Variants in NRG2 observed in about 807,000 individuals in gnomAD.
NRG2 encodes the protein neuregulin 2.
NRG2 carries 27 observed loss-of-function variants against 73.9 expected under a neutral mutation model. The ratio of observed to expected loss-of-function variants is 0.37; its 90% CI spans 0.27 to 0.50. The LOEUF (loss-of-function observed/expected upper bound fraction) is 0.50. Ranked by LOEUF, NRG2 falls within the 20% of genes least tolerant of loss-of-function variation. The pLI is 0.96. For missense variants in NRG2, 1,126 were observed against 1,210.1 expected, an observed-to-expected ratio of 0.93 and a Z score of 1.03; for synonymous variants, 532 against 541.0, an observed-to-expected ratio of 0.98 and a Z score of 0.23.
At chr5:139,990,270 G>A (rs1003814063) in intron 1 of NRG2, among the ~76,000 whole-genome samples, 2 of 142,536 alleles carry the variant, frequency 1.4e-5, no homozygotes, top group Admixed American at 1.4e-4. Flanking sequence ...ATTCCCACTA[G>A]CAATATTTTA....
At chr5:139,918,717 G>A (rs776813533) in intron 1 of NRG2, among the ~76,000 whole-genome samples, 5 of 152,204 alleles carry the variant, frequency 3.3e-5, no homozygotes, top group Admixed American at 6.5e-5. Flanking sequence ...GCAGACATCC[G>A]GAAATGTAGG....
At chr5:139,925,683 C>T (rs554571333) in intron 1 of NRG2, among the ~76,000 whole-genome samples, 2 of 152,354 alleles carry the variant, frequency 1.3e-5, no homozygotes, top group East Asian at 1.9e-4. Context: ...AAAGCAGAGG[C>T]CCTGCAGCCG....
chr5:140,022,775 G>A (rs1177836943), intron 1 of NRG2, among the ~76,000 whole-genome samples: 6 of 152,200 alleles, frequency 3.9e-5, no homozygotes, highest in East Asian at 3.8e-4. Context: ...TGCCAAGTAC[G>A]TATTAAGTGT....
intron 1 of NRG2, among the ~76,000 whole-genome samples, chr5:140,024,062 G>C (rs1213297572): frequency 2.0e-5 from 3 of 152,000 alleles, no homozygotes; most frequent in Non-Finnish European, 4.4e-5. Context: ...TCAACTGAAT[G>C]TACCCCTTCT....
chr5:139,884,664 T>C (rs1763747427), intron 2 of NRG2, among the ~76,000 whole-genome samples: 1 of 152,178 alleles, frequency 6.6e-6, no homozygotes, highest in Admixed American at 6.5e-5. Context: ...AAGGACAAGG[T>C]GTCTACCAGA....
At chr5:140,016,037 G>A (rs1759748056) in intron 1 of NRG2, among the ~76,000 whole-genome samples, 1 of 152,182 alleles carries the variant, frequency 6.6e-6, no homozygotes, top group Admixed American at 6.5e-5. Context: ...GGGGAGGAAG[G>A]GAGTAAAATG....
intron 1 of NRG2, among the ~76,000 whole-genome samples, chr5:140,036,738 T>C (rs1761536914): frequency 6.6e-6 from 1 of 152,118 alleles, no homozygotes; most frequent in Non-Finnish European, 1.5e-5. Flanking sequence ...ACACAAAATT[T>C]GGGGGAAATT....
chr5:139,848,992 C>T (rs748721636), intron 9 of NRG2, among the ~76,000 whole-genome samples: 1 of 152,140 alleles, frequency 6.6e-6, no homozygotes, highest in Non-Finnish European at 1.5e-5. Context: ...GTGCCTGACC[C>T]TGGTAAGCTT....
chr5:139,926,547 G>A (rs1180406810), intron 1 of NRG2, among the ~76,000 whole-genome samples: 1 of 152,168 alleles, frequency 6.6e-6, no homozygotes, highest in Non-Finnish European at 1.5e-5. Context: ...CCTCAGTATG[G>A]CTTGCATCAA....
chr5:139,927,977 C>G (rs1393806984), intron 1 of NRG2, among the ~76,000 whole-genome samples: 1 of 151,960 alleles, frequency 6.6e-6, no homozygotes, highest in African/African-American at 2.4e-5. Flanking sequence ...GGGTGCTAGG[C>G]CCTTACTCTG....
chr5:139,848,301 C>G lies in NRG2; in HGVS notation c.2169G>C (p.Pro723=). The G allele has an allele frequency of 8.6e-7, 1 of 1,161,122 alleles. No homozygotes were observed. Among genetic ancestry groups the G allele is most frequent in the East Asian group, 3.9e-5 (1 of 25,678 alleles). 71.9% of individuals were successfully genotyped at this position (1,161,122 alleles called of 1,614,324 possible). The change falls in exon 10 of 10, where the codon CCG becomes CCC. Residue 723 remains proline, a synonymous_variant. Transcript: ENST00000361474. The part of the protein sequence containing the change: ...YETTQECAPP[P]PPRPRARGAS... ...CACCGCGCGCGCGCGGCCGCGGCGG[C>G]GGCGGGGGCGCGCACTCCTGCGTGG...
At chr5:140,033,074 C>T (rs1453653007) in intron 1 of NRG2, among the ~76,000 whole-genome samples, 1 of 152,156 alleles carries the variant, frequency 6.6e-6, no homozygotes, top group Non-Finnish European at 1.5e-5. Flanking sequence ...AATAAAATCA[C>T]ACAAACTCAA....
intron 1 of NRG2, among the ~76,000 whole-genome samples, chr5:139,899,797 G>T (rs991152827): frequency 6.6e-6 from 1 of 152,188 alleles, no homozygotes; most frequent in Non-Finnish European, 1.5e-5. Context: ...CCTCTCCCTG[G>T]TTTTTGTTGA....
chr5:139,982,160 C>T (rs566995183), intron 1 of NRG2, among the ~76,000 whole-genome samples: 46 of 152,272 alleles, frequency 3.0e-4, no homozygotes, highest in African/African-American at 1.1e-3. Flanking sequence ...TTTCTACTCC[C>T]TGTTTTCTGT....
intron 1 of NRG2, among the ~76,000 whole-genome samples, chr5:139,920,350 G>T (rs1158770787): frequency 6.6e-6 from 1 of 152,174 alleles, no homozygotes; most frequent in African/African-American, 2.4e-5. Context: ...TTTCACCTTT[G>T]CAGTATGTCG....
intron 1 of NRG2, among the ~76,000 whole-genome samples, chr5:139,935,819 C>T (rs906715413): frequency 2.0e-5 from 3 of 151,746 alleles, no homozygotes; most frequent in Non-Finnish European, 2.9e-5. Flanking sequence ...AATTAGCCAG[C>T]GTGGTGGTGC....
At chr5:139,936,998 C>T (rs1023733726) in intron 1 of NRG2, among the ~76,000 whole-genome samples, 8 of 152,158 alleles carry the variant, frequency 5.3e-5, no homozygotes, top group African/African-American at 1.2e-4. Flanking sequence ...GACAGGGTTT[C>T]GCCATGTTGG....
chr5:139,939,966 A>C (rs774155099), intron 1 of NRG2, among the ~76,000 whole-genome samples: 24 of 152,230 alleles, frequency 1.6e-4, no homozygotes, highest in Admixed American at 6.5e-5. Flanking sequence ...AGAACAAATG[A>C]TAAATACAAA....
At chr5:139,938,151 G>A (rs113829513) in intron 1 of NRG2, among the ~76,000 whole-genome samples, 7 of 152,188 alleles carry the variant, frequency 4.6e-5, no homozygotes, top group African/African-American at 1.7e-4. Context: ...GGAAATACGT[G>A]TTCATGGATG....
Sources: gnomAD v4.1 joint callset for allele counts (sites outside exome capture counted in the v4.1 genomes callset) on GRCh38, gnomAD v4.1.1 for gene constraint, MANE v1.5 for transcripts, NCBI Gene and HGNC (gene_info 2026-07-23, HGNC 2026-07-21) for gene names.